TRHDE: variants seen among roughly 807,000 people sequenced by gnomAD.
The protein encoded by TRHDE is thyrotropin-releasing hormone-degrading ectoenzyme.
A neutral mutation model predicts 125.7 loss-of-function variants in TRHDE; 72 were observed. The observed-to-expected ratio is 0.57, with a 90% CI of 0.47 to 0.70. The LOEUF (loss-of-function observed/expected upper bound fraction) is 0.70. Among genes scored for constraint, TRHDE ranks in the 30% least tolerant of loss-of-function variants. TRHDE has a pLI of 0.00. For missense variants in TRHDE, 1,110 were observed against 1,327.1 expected, an observed-to-expected ratio of 0.84 and a Z score of 2.54; for synonymous variants, 509 against 509.1, an observed-to-expected ratio of 1.00 and a Z score of 0.00.
intron 12 of TRHDE, among the ~76,000 whole-genome samples, chr12:72,592,915 G>A (rs1265462039): frequency 6.6e-6 from 1 of 152,132 alleles, no homozygotes. Context: ...GTTTTGCCAT[G>A]TTGGCCAGGC....
chr12:72,367,185 C>T (rs1871373404), intron 2 of TRHDE, among the ~76,000 whole-genome samples: 2 of 152,008 alleles, frequency 1.3e-5, no homozygotes, highest in African/African-American at 4.8e-5. Context: ...CTGTTCTTGC[C>T]GTAAAAACCA....
At chr12:72,096,611 A>G (rs1243616172) in intron 1 of TRHDE, among the ~76,000 whole-genome samples, 2 of 152,188 alleles carry the variant, frequency 1.3e-5, no homozygotes, top group African/African-American at 2.4e-5. Flanking sequence ...TGTTCTGTCC[A>G]GTCCTCCATC....
intron 3 of TRHDE, among the ~76,000 whole-genome samples, chr12:72,452,562 G>A (rs575895261): frequency 2.6e-5 from 4 of 152,258 alleles, no homozygotes; most frequent in Admixed American, 6.5e-5. Flanking sequence ...TGAGTATAAT[G>A]TTAGCTATGG....
intron 2 of TRHDE, among the ~76,000 whole-genome samples, chr12:72,294,857 G>A (rs891934874): frequency 6.6e-6 from 1 of 152,090 alleles, no homozygotes; most frequent in East Asian, 2.0e-4. Flanking sequence ...TTTGTGGGGG[G>A]TGAGGTGGCA....
intron 12 of TRHDE, among the ~76,000 whole-genome samples, chr12:72,576,462 G>C (rs1305338474): frequency 1.3e-5 from 2 of 152,046 alleles, no homozygotes; most frequent in Non-Finnish European, 2.9e-5. Context: ...ATGTTAAAAA[G>C]CATATTACAC....
chr12:72,258,764 T>G (rs1878876279), intron 2 of TRHDE, among the ~76,000 whole-genome samples: 1 of 152,170 alleles, frequency 6.6e-6, no homozygotes, highest in Non-Finnish European at 1.5e-5. Flanking sequence ...TTCTGCAATC[T>G]CTACTTGACT....
chr12:72,396,726 G>T (rs1252382321), intron 3 of TRHDE, among the ~76,000 whole-genome samples: 1 of 151,894 alleles, frequency 6.6e-6, no homozygotes, highest in Non-Finnish European at 1.5e-5. Context: ...CCTGGCAGCA[G>T]AGCGAGACTC....
intron 12 of TRHDE, among the ~76,000 whole-genome samples, chr12:72,583,575 C>G (rs1871323966): frequency 6.6e-6 from 1 of 152,208 alleles, no homozygotes. Flanking sequence ...TTATGCAACA[C>G]TTTGCCACAG....
At chr12:72,137,968 AC>A (rs1876021390) in intron 2 of TRHDE, among the ~76,000 whole-genome samples, 1 of 152,232 alleles carries the variant, frequency 6.6e-6, no homozygotes, top group Admixed American at 6.5e-5. Context: ...GTACTTCTGA[AC>A]CTTGGGTGAA....
chr12:72,193,975 A>G (rs867495238), intron 2 of TRHDE, among the ~76,000 whole-genome samples: 3 of 152,230 alleles, frequency 2.0e-5, no homozygotes, highest in Admixed American at 6.5e-5. Context: ...TGGAAGTATG[A>G]GGGAGATAAG....
At chr12:72,153,701 C>T (rs1289018731) in intron 2 of TRHDE, among the ~76,000 whole-genome samples, 5 of 152,026 alleles carry the variant, frequency 3.3e-5, no homozygotes, top group East Asian at 1.9e-4. Context: ...TGTAGTTGAG[C>T]GGTTTTGAGT....
At chr12:72,183,975 G>T (rs1405427966) in intron 2 of TRHDE, among the ~76,000 whole-genome samples, 1 of 152,134 alleles carries the variant, frequency 6.6e-6, no homozygotes, top group African/African-American at 2.4e-5. Flanking sequence ...GTGTATATCA[G>T]CCTTCAAATT....
intron 6 of TRHDE, among the ~76,000 whole-genome samples, chr12:72,526,945 A>G (rs1868347852): frequency 1.3e-5 from 2 of 152,204 alleles, no homozygotes; most frequent in South Asian, 4.1e-4. Context: ...GTAAATCAGT[A>G]GTAAATTCTG....
intron 2 of TRHDE, among the ~76,000 whole-genome samples, chr12:72,313,596 G>T (rs1868651051): frequency 6.6e-6 from 1 of 152,054 alleles, no homozygotes. Flanking sequence ...AAAATGTTCT[G>T]CTAGAACATC....
chr12:72,158,959 AC>A (rs1876577593), intron 2 of TRHDE, among the ~76,000 whole-genome samples: 1 of 152,184 alleles, frequency 6.6e-6, no homozygotes, highest in Admixed American at 6.5e-5. Flanking sequence ...AGTGCTGAAT[AC>A]CCCTCTTCTG....
chr12:72,521,252 C>T (rs532079654), intron 6 of TRHDE, among the ~76,000 whole-genome samples: 1 of 152,308 alleles, frequency 6.6e-6, no homozygotes, highest in African/African-American at 2.4e-5. Flanking sequence ...TCATAATTCC[C>T]AAAGAGTCTA....
At chr12:72,488,907 G>C (rs955632409) in intron 5 of TRHDE, among the ~76,000 whole-genome samples, 1 of 151,590 alleles carries the variant, frequency 6.6e-6, no homozygotes, top group Admixed American at 6.6e-5. Context: ...ACAACCAATG[G>C]GGCAAAGAAG....
chr12:72,376,074 G>T (rs1183872758), intron 2 of TRHDE, among the ~76,000 whole-genome samples: 2 of 152,110 alleles, frequency 1.3e-5, no homozygotes, highest in African/African-American at 4.8e-5. Flanking sequence ...GAAGTGCCTG[G>T]GGTTTTATGT....
chr12:72,434,852 G>A (rs1404800713), intron 3 of TRHDE, among the ~76,000 whole-genome samples: 1 of 152,136 alleles, frequency 6.6e-6, no homozygotes, highest in South Asian at 2.1e-4. Context: ...TCCTTCTGTT[G>A]TTCCCCCACG....
Sources: gnomAD v4.1 joint callset for allele counts (sites outside exome capture counted in the v4.1 genomes callset) on GRCh38, gnomAD v4.1.1 for gene constraint, MANE v1.5 for transcripts, NCBI Gene and HGNC (gene_info 2026-07-23, HGNC 2026-07-21) for gene names.